Variants in GABPB2 observed in about 807,000 individuals in gnomAD.
The protein encoded by GABPB2 is GA-binding protein subunit beta-2.
A neutral mutation model predicts 39.1 loss-of-function variants in GABPB2; 23 were observed. That is an observed-to-expected ratio of 0.59 (90% CI 0.42 to 0.83). The LOEUF (loss-of-function observed/expected upper bound fraction) is 0.83, where lower values mean the gene tolerates loss of function less well. GABPB2 is among the 40% of genes least tolerant of loss of function. The pLI is 0.00. For synonymous variants in GABPB2, 184 were observed against 199.3 expected (o/e 0.92, Z 0.65); for missense variants, 467 against 541.1 (o/e 0.86, Z 1.36).
chr1:151,091,245 A>G (rs1417990471), intron 3 of GABPB2, among the ~76,000 whole-genome samples: 7 of 143,472 alleles, frequency 4.9e-5, no homozygotes, highest in African/African-American at 1.8e-4. Flanking sequence ...CCGCCACTAC[A>G]CCCAGCCAAT....
At chr1:151,096,853 A>G (rs1478678205) in intron 4 of GABPB2, among the ~76,000 whole-genome samples, 2 of 152,216 alleles carry the variant, frequency 1.3e-5, no homozygotes, top group Admixed American at 1.3e-4. Context: ...TAGATAATTA[A>G]TCATAAAATG....
chr1:151,109,742 T>C (rs1050463894), intron 7 of GABPB2, among the ~76,000 whole-genome samples: 3 of 151,870 alleles, frequency 2.0e-5, no homozygotes, highest in African/African-American at 7.3e-5. Context: ...GTGGCATGAT[T>C]ATGGCGCACT....
chr1:151,080,235 A>AC (rs1558126344), intron 1 of GABPB2, among the ~76,000 whole-genome samples: 88 of 147,840 alleles, frequency 6.0e-4, no homozygotes, highest in African/African-American at 2.2e-3. Context: ...AAAAAAAAAA[A>AC]AAAAAAAAAC....
intron 6 of GABPB2, among the ~76,000 whole-genome samples, chr1:151,104,178 T>A (rs1267710486): frequency 1.3e-5 from 2 of 152,206 alleles, no homozygotes; most frequent in Non-Finnish European, 2.9e-5. Flanking sequence ...AAATATAGGC[T>A]ATGTATTGCC....
intron 1 of GABPB2, among the ~76,000 whole-genome samples, chr1:151,077,330 AG>A (rs1468155655): frequency 1.4e-5 from 2 of 139,356 alleles, no homozygotes; most frequent in African/African-American, 2.6e-5. Context: ...GGACCTCAGG[AG>A]GGGAGGAATT....
intron 7 of GABPB2, among the ~76,000 whole-genome samples, chr1:151,115,370 GGAAA>G (rs1199932831): frequency 6.7e-6 from 1 of 150,184 alleles, no homozygotes; most frequent in Non-Finnish European, 1.5e-5. Flanking sequence ...AAAGAAGGAA[GGAAA>G]GAAAGAAAGA....
At position 151,118,390 on chromosome 1, in the gene GABPB2, C is replaced by T. The variant is rs1681048141; in HGVS notation, c.*134C>T. 2 of 840,114 alleles carry T rather than the reference C, an allele frequency of 2.4e-6. No individual in the cohort carries two copies. The highest frequency in any genetic ancestry group is 3.7e-4 in the Middle Eastern group (1 of 2,694). The allele number at this position is 840,114 out of a possible 1,614,324, so 52.0% of individuals were successfully genotyped here. A position where few individuals can be genotyped will look rare whatever the true frequency, so the allele number is the denominator to read the frequency against. ...ACTATAGCAGGGTACAATGCTTGGG[C>T]TCAGGAAGTTTCTCTGTGCAACTAG... is the stretch of plus-strand genomic sequence containing the variant. On this transcript the variant is annotated 3_prime_UTR_variant, in exon 9 of 9. Transcript: ENST00000368918.
chr1:151,078,135 T>A (rs1677346461), intron 1 of GABPB2, among the ~76,000 whole-genome samples: 1 of 149,610 alleles, frequency 6.7e-6, no homozygotes, highest in Admixed American at 6.7e-5. Flanking sequence ...CCAGTTGTGG[T>A]GGCACGAGCC....
chr1:151,080,716 C>T (rs1322993558), intron 1 of GABPB2, among the ~76,000 whole-genome samples: 2 of 149,238 alleles, frequency 1.3e-5, no homozygotes, highest in Admixed American at 6.7e-5. Context: ...GGCATGGTGG[C>T]GTGGCACCTC....
chr1:151,107,624 G>A (rs898969193), intron 7 of GABPB2, among the ~76,000 whole-genome samples: 15 of 151,834 alleles, frequency 9.9e-5, no homozygotes, highest in African/African-American at 2.4e-5. Context: ...CACCGCGCCC[G>A]GCCCTGATGG....
chr1:151,082,655 C>T (rs377415325), intron 1 of GABPB2, among the ~76,000 whole-genome samples: 5 of 151,390 alleles, frequency 3.3e-5, no homozygotes, highest in African/African-American at 1.2e-4. Context: ...GTGATCCGCC[C>T]ACCTCAGCCT....
At position 151,103,576 on chromosome 1, in the gene GABPB2, T is replaced by G. The variant is rs752358327; in HGVS notation, c.637T>G (p.Ser213Ala). The change falls in exon 6 of 9, where the codon TCA (serine) becomes GCA (alanine). Residue 213 changes from serine to alanine, a missense_variant. Transcript: ENST00000368918. ...TKTTSGDPHA[S>A]TVQFSNSTTS... ...TACTGAAATAGGTGACCCCCATGCCTCAACAGTACAGTTTTCAAATTCTAC... is the reference window on the plus strand; with the variant it reads ...TACTGAAATAGGTGACCCCCATGCCGCAACAGTACAGTTTTCAAATTCTAC... 6.2e-7 allele frequency: 1 copy of G among 1,613,544 alleles called. No homozygotes were observed. The highest frequency in any genetic ancestry group is 1.1e-5 in the South Asian group (1 of 91,026).
chr1:151,106,981 T>C, intron 6 of GABPB2, 56 bp from the exon 7 acceptor site: 1 of 1,265,170 alleles, frequency 7.9e-7, no homozygotes, highest in Non-Finnish European at 1.1e-6. Flanking sequence ...TTGAAATTGC[T>C]ATACTCCTAT....
intron 6 of GABPB2, among the ~76,000 whole-genome samples, chr1:151,105,088 G>A (rs1274720995): frequency 6.6e-6 from 1 of 151,914 alleles, no homozygotes; most frequent in Non-Finnish European, 1.5e-5. Flanking sequence ...TGTATTTTTA[G>A]TAGAGATGAG....
chr1:151,103,570 C>A lies in GABPB2; in HGVS notation c.631C>A (p.His211Asn). The change falls in exon 6 of 9, where the codon CAT becomes AAT. Residue 211 changes from histidine (H) to asparagine (N), a missense_variant. His to Asn is a moderately conservative substitution (Grantham distance 68). Transcript: ENST00000368918. ...TNTKTTSGDP[H>N]ASTVQFSNST... ...CTTTCTTACTGAAATAGGTGACCCC[C>A]ATGCCTCAACAGTACAGTTTTCAAA... 6.2e-7 allele frequency: 1 copy of A among 1,612,368 alleles called. No homozygotes were observed.
chr1:151,106,955 G>A (rs1052256676), intron 6 of GABPB2, 82 bp from the exon 7 acceptor site: 8 of 839,706 alleles, frequency 9.5e-6, no homozygotes, highest in Non-Finnish European at 1.4e-5. Context: ...CCTGAATGTT[G>A]TCAGGTTCAA....
At chr1:151,073,479 G>A (rs1169347760) in intron 1 of GABPB2, among the ~76,000 whole-genome samples, 1 of 152,130 alleles carries the variant, frequency 6.6e-6, no homozygotes, top group Non-Finnish European at 1.5e-5. Context: ...CTGGTTGATG[G>A]GCCACCAGGC....
At chr1:151,084,247 G>A (rs902396650) in intron 1 of GABPB2, among the ~76,000 whole-genome samples, 10 of 151,110 alleles carry the variant, frequency 6.6e-5, no homozygotes, top group Admixed American at 2.0e-4. Context: ...TTTTTGAGAC[G>A]GAGTTTCACT....
At chr1:151,096,876 ATTAC>A (rs1437435925) in intron 4 of GABPB2, among the ~76,000 whole-genome samples, 1 of 152,106 alleles carries the variant, frequency 6.6e-6, no homozygotes, top group Non-Finnish European at 1.5e-5. Flanking sequence ...AGTGCTGGAA[ATTAC>A]TTTTTAGGCT....
Sources: allele counts gnomAD v4.1 joint callset (sites outside exome capture counted in the v4.1 genomes callset), GRCh38; gene constraint gnomAD v4.1.1; transcripts MANE v1.5; gene names NCBI Gene and HGNC (gene_info 2026-07-23, HGNC 2026-07-21).